ASTN2: variants seen among roughly 807,000 people sequenced by gnomAD.
ASTN2 encodes the protein astrotactin 2.
ASTN2 carries 54 observed loss-of-function variants against 139.8 expected under a neutral mutation model. The ratio of observed to expected loss-of-function variants is 0.39; its 90% CI spans 0.31 to 0.48. The LOEUF (loss-of-function observed/expected upper bound fraction) is 0.48, where lower values mean the gene tolerates loss of function less well. Ranked by LOEUF, ASTN2 falls within the 20% of genes least tolerant of loss-of-function variation. The pLI is 0.95. For missense variants in ASTN2, 1,565 were observed against 1,725.1 expected, an observed-to-expected ratio of 0.91 and a Z score of 1.64; for synonymous variants, 756 against 719.5, an observed-to-expected ratio of 1.05 and a Z score of -0.81.
rs547122715 is a variant in ASTN2, at chr9:116,553,885, T to A, written c.3355+64439A>T. Among the ~76,000 whole-genome samples, 7 of 152,362 alleles carry A rather than the reference T, an allele frequency of 4.6e-5. No homozygotes were observed. The South Asian group carries it at 1.2e-3, about 27-fold the overall frequency. ...AAAACTGCTATGGAAGGACAAGATA[T>A]CAGCCTCCAAAGGGTCTTCTATTAG... On this transcript the variant is annotated intron_variant, in intron 19 of 22. Transcript: ENST00000313400.
At chr9:116,815,301 T>G (rs1831279296) in intron 12 of ASTN2, among the ~76,000 whole-genome samples, 1 of 152,196 alleles carries the variant, frequency 6.6e-6, no homozygotes, top group Non-Finnish European at 1.5e-5. Context: ...AAAGAGAATA[T>G]TAGACAGAGA....
At chr9:116,871,538 A>G (rs971960637) in intron 10 of ASTN2, among the ~76,000 whole-genome samples, 2 of 152,146 alleles carry the variant, frequency 1.3e-5, no homozygotes, top group African/African-American at 4.8e-5. Context: ...AACTCTGAAC[A>G]CTTCATGTAA....
intron 22 of ASTN2, among the ~76,000 whole-genome samples, chr9:116,428,344 T>G (rs1847375406): frequency 6.6e-6 from 1 of 152,150 alleles, no homozygotes; most frequent in East Asian, 1.9e-4. Flanking sequence ...GCCAACATAC[T>G]GAAACCCTGT....
At chr9:116,574,873 A>G (rs549457173) in intron 19 of ASTN2, among the ~76,000 whole-genome samples, 1 of 152,306 alleles carries the variant, frequency 6.6e-6, no homozygotes, top group African/African-American at 2.4e-5. Context: ...TCCAACTGGT[A>G]CGGGCTCAAA....
intron 3 of ASTN2, among the ~76,000 whole-genome samples, chr9:117,156,672 G>A (rs1032541810): frequency 1.3e-5 from 2 of 151,930 alleles, no homozygotes; most frequent in Non-Finnish European, 2.9e-5. Context: ...GGTGCAAGCC[G>A]GCAGTGACAT....
chr9:117,163,879 T>C (rs938557789), intron 3 of ASTN2, among the ~76,000 whole-genome samples: 2 of 152,116 alleles, frequency 1.3e-5, no homozygotes, highest in East Asian at 3.9e-4. Flanking sequence ...TGCTACCAAT[T>C]GAAAATGACT....
intron 1 of ASTN2, among the ~76,000 whole-genome samples, chr9:117,351,173 G>A (rs1490609657): frequency 6.6e-6 from 1 of 152,134 alleles, no homozygotes; most frequent in Non-Finnish European, 1.5e-5. Flanking sequence ...ATCCATGATG[G>A]CAAATCTAAG....
At chr9:116,627,960 T>C (rs546580574) in intron 17 of ASTN2, among the ~76,000 whole-genome samples, 57 of 152,300 alleles carry the variant, frequency 3.7e-4, no homozygotes, top group Non-Finnish European at 7.4e-4. Context: ...GTTTCCAAGG[T>C]CACAGAGCTG....
intron 13 of ASTN2, among the ~76,000 whole-genome samples, chr9:116,742,534 G>A (rs1439541594): frequency 6.6e-6 from 1 of 152,062 alleles, no homozygotes; most frequent in Non-Finnish European, 1.5e-5. Flanking sequence ...AGATATTTAA[G>A]AATCTCGATA....
At chr9:116,481,636 T>C (rs1194412463) in intron 20 of ASTN2, among the ~76,000 whole-genome samples, 1 of 152,194 alleles carries the variant, frequency 6.6e-6, no homozygotes, top group Non-Finnish European at 1.5e-5. Context: ...TTGAAGTGAA[T>C]TTCTGTCTAC....
intron 10 of ASTN2, among the ~76,000 whole-genome samples, chr9:116,942,947 TTTCACATCCTC>T (rs879679067): frequency 2.0e-5 from 3 of 152,216 alleles, no homozygotes; most frequent in Non-Finnish European, 4.4e-5. Flanking sequence ...TGTGGTCCCA[TTTCACATCCTC>T]TTCTGGATGG....
At chr9:116,481,772 G>A (rs1017826320) in intron 20 of ASTN2, among the ~76,000 whole-genome samples, 1 of 152,176 alleles carries the variant, frequency 6.6e-6, no homozygotes, top group African/African-American at 2.4e-5. Flanking sequence ...TATAGGCTGT[G>A]ATCTGAGTCT....
chr9:116,539,057 C>A (rs945648967), intron 19 of ASTN2, among the ~76,000 whole-genome samples: 11 of 152,046 alleles, frequency 7.2e-5, no homozygotes, highest in South Asian at 2.1e-4. Context: ...CATGGACGAA[C>A]CTTGAGAACT....
intron 13 of ASTN2, among the ~76,000 whole-genome samples, chr9:116,747,630 A>G (rs1829280129): frequency 6.6e-6 from 1 of 152,022 alleles, no homozygotes; most frequent in Admixed American, 6.6e-5. Flanking sequence ...CTCTCCAACC[A>G]TAGTCACACT....
intron 3 of ASTN2, among the ~76,000 whole-genome samples, chr9:117,171,833 G>C (rs1830802119): frequency 6.6e-6 from 1 of 152,080 alleles, no homozygotes; most frequent in South Asian, 2.1e-4. Flanking sequence ...CCGAGCCTTG[G>C]GCACTTTTTA....
At chr9:117,091,597 C>G (rs755458367) in intron 5 of ASTN2, among the ~76,000 whole-genome samples, 2 of 151,776 alleles carry the variant, frequency 1.3e-5, no homozygotes, top group African/African-American at 4.8e-5. Context: ...ATGAGTCAAA[C>G]GGCAGGGAAG....
chr9:116,573,020 C>CACACACACACAA (rs372998996), intron 19 of ASTN2, among the ~76,000 whole-genome samples: 20,807 of 151,570 alleles, frequency 0.14, 1,518 homozygotes, highest in Middle Eastern at 0.19. Flanking sequence ...CATGCACACA[C>CACACACACACAA]ACACACACAC....
chr9:117,103,935 G>A (rs976029154), intron 4 of ASTN2, among the ~76,000 whole-genome samples: 4 of 152,098 alleles, frequency 2.6e-5, no homozygotes, highest in Non-Finnish European at 4.4e-5. Context: ...TTCACTTCTC[G>A]GAGATGTTTT....
At chr9:116,833,816 A>G (rs1328878285) in intron 11 of ASTN2, among the ~76,000 whole-genome samples, 3 of 152,206 alleles carry the variant, frequency 2.0e-5, no homozygotes, top group African/African-American at 7.2e-5. Flanking sequence ...AAGTGATGAT[A>G]TTCGCAGTTG....
Sources: allele counts gnomAD v4.1 joint callset (sites outside exome capture counted in the v4.1 genomes callset), GRCh38; gene constraint gnomAD v4.1.1; transcripts MANE v1.5; gene names NCBI Gene and HGNC (gene_info 2026-07-23, HGNC 2026-07-21).